The following RTF2 variants were observed in gnomAD, a reference collection of about 807,000 sequenced individuals.
The protein encoded by RTF2 is UPF0549 protein C20orf43.
A neutral mutation model predicts 38.0 loss-of-function variants in RTF2; 18 were observed. That is an observed-to-expected ratio of 0.47 (90% CI 0.33 to 0.70). The LOEUF (loss-of-function observed/expected upper bound fraction) is 0.70, where lower values mean the gene tolerates loss of function less well. Among genes scored for constraint, RTF2 ranks in the 30% least tolerant of loss-of-function variants. The pLI is 0.02. For synonymous variants in RTF2, 126 were observed against 137.1 expected (o/e 0.92, Z 0.57); for missense variants, 311 against 379.6 (o/e 0.82, Z 1.50).
At position 56,477,071 on chromosome 20, in the gene RTF2, G is replaced by C; in HGVS notation, c.345G>C (p.Gln115His). 1 of 1,614,130 alleles carries C rather than the reference G, an allele frequency of 6.2e-7. No individual in the cohort carries two copies. The highest frequency in any genetic ancestry group is 8.5e-7 in the Non-Finnish European group (1 of 1,179,992). ...AAGGTGACAAGCACGATGACCTCCA[G>C]CGGGCGCGTTTCATCTGCCCCGTTG... ...NTKGDKHDDLQRARFICPVVG... is the reference protein window; with the variant it reads ...NTKGDKHDDLHRARFICPVVG... The change falls in exon 4 of 9, where the codon CAG becomes CAC. Residue 115 changes from glutamine to histidine, a missense_variant. Gln to His is a conservative substitution (Grantham distance 24). Transcript: ENST00000357348.
intron 5 of RTF2, among the ~76,000 whole-genome samples, chr20:56,502,474 C>T (rs938996713): frequency 1.3e-5 from 2 of 152,062 alleles, no homozygotes; most frequent in African/African-American, 2.4e-5. Flanking sequence ...CAGAACAGTT[C>T]GTTGAAGGAT....
intron 5 of RTF2, among the ~76,000 whole-genome samples, chr20:56,508,598 T>C (rs867280660): frequency 4.6e-5 from 7 of 152,312 alleles, no homozygotes; most frequent in Admixed American, 1.3e-4. Context: ...TTTTGGTTGA[T>C]CCACTCAATA....
intron 4 of RTF2, among the ~76,000 whole-genome samples, chr20:56,479,249 G>A (rs568757429): frequency 6.6e-6 from 1 of 151,902 alleles, no homozygotes; most frequent in African/African-American, 2.4e-5. Context: ...TTTTTGAGAC[G>A]GAGTCCAGCT....
intron 5 of RTF2, among the ~76,000 whole-genome samples, chr20:56,492,055 C>G (rs992859601): frequency 6.6e-6 from 1 of 152,092 alleles, no homozygotes; most frequent in African/African-American, 2.4e-5. Context: ...TAACTCACCA[C>G]GCGCACACGA....
intron 5 of RTF2, chr20:56,497,723 T>C: frequency 1.4e-6 from 1 of 691,864 alleles, no homozygotes; most frequent in Non-Finnish European, 2.1e-6. Flanking sequence ...CCCAACTTTA[T>C]TGAAATACAC....
At chr20:56,481,518 T>C (rs191014689) in intron 4 of RTF2, among the ~76,000 whole-genome samples, 49 of 152,326 alleles carry the variant, frequency 3.2e-4, no homozygotes, top group Admixed American at 5.2e-4. Context: ...TAAACCACCA[T>C]TGGGGTCAAG....
intron 5 of RTF2, among the ~76,000 whole-genome samples, chr20:56,489,498 AGAGTGTAGCTGCCT>A (rs1258798559): frequency 6.6e-6 from 1 of 152,198 alleles, no homozygotes; most frequent in Non-Finnish European, 1.5e-5. Context: ...GTCACACTGC[AGAGTGTAGCTGCCT>A]GGTCCAAATC....
intron 5 of RTF2, among the ~76,000 whole-genome samples, chr20:56,498,376 C>T (rs952324720): frequency 3.3e-5 from 5 of 152,052 alleles, no homozygotes; most frequent in African/African-American, 9.7e-5. Flanking sequence ...TCAAGACTAG[C>T]CTGGGCAACA....
At chr20:56,508,951 G>C (rs185246610) in intron 5 of RTF2, among the ~76,000 whole-genome samples, 62 of 152,180 alleles carry the variant, frequency 4.1e-4, no homozygotes, top group African/African-American at 1.5e-3. Flanking sequence ...CACAATCTTG[G>C]GTTAGGCGAT....
chr20:56,500,030 G>T (rs972881776), intron 5 of RTF2, among the ~76,000 whole-genome samples: 7 of 151,510 alleles, frequency 4.6e-5, no homozygotes, highest in Non-Finnish European at 7.4e-5. Context: ...GAACCACTGC[G>T]CCCGGCCTAT....
chr20:56,475,698 T>G (rs2146317394), intron 3 of RTF2, among the ~76,000 whole-genome samples: 1 of 152,254 alleles, frequency 6.6e-6, no homozygotes, highest in Middle Eastern at 3.4e-3. Flanking sequence ...ATGTAAGATG[T>G]GCCTCTCTCA....
At chr20:56,489,555 G>A (rs959415476) in intron 5 of RTF2, among the ~76,000 whole-genome samples, 3 of 152,130 alleles carry the variant, frequency 2.0e-5, no homozygotes, top group African/African-American at 7.2e-5. Context: ...GTGGTCCCAG[G>A]AACATCCCAT....
intron 5 of RTF2, among the ~76,000 whole-genome samples, chr20:56,511,570 G>A (rs545844332): frequency 1.3e-5 from 2 of 152,164 alleles, no homozygotes; most frequent in East Asian, 1.9e-4. Context: ...ACATTTAGGT[G>A]TTTATAACCC....
At chr20:56,500,278 T>C (rs1983845005) in intron 5 of RTF2, among the ~76,000 whole-genome samples, 1 of 152,326 alleles carries the variant, frequency 6.6e-6, no homozygotes, top group East Asian at 1.9e-4. Context: ...GGTCTCGAAC[T>C]CCTGACCTCA....
At chr20:56,488,313 A>G (rs1982900981) in intron 5 of RTF2, among the ~76,000 whole-genome samples, 1 of 152,096 alleles carries the variant, frequency 6.6e-6, no homozygotes, top group African/African-American at 2.4e-5. Context: ...GTGAGCCAAG[A>G]TCACGCCACT....
chr20:56,494,585 C>T (rs958763342), intron 5 of RTF2, among the ~76,000 whole-genome samples: 1 of 152,086 alleles, frequency 6.6e-6, no homozygotes, highest in Non-Finnish European at 1.5e-5. Flanking sequence ...TGAATGGATC[C>T]CTAATTGAAT....
chr20:56,505,487 CATAATAATAATA>C (rs60767194), intron 5 of RTF2, among the ~76,000 whole-genome samples: 4 of 139,648 alleles, frequency 2.9e-5, no homozygotes, highest in African/African-American at 8.0e-5. Context: ...GATGCCATCT[CATAATAATAATA>C]ATAATAATAA....
At chr20:56,509,555 G>A (rs993510596) in intron 5 of RTF2, among the ~76,000 whole-genome samples, 1 of 151,198 alleles carries the variant, frequency 6.6e-6, no homozygotes, top group Non-Finnish European at 1.5e-5. Context: ...GGAGGTTGCA[G>A]TGAGCCGAGA....
intron 5 of RTF2, 63 bp downstream of exon 5, chr20:56,484,252 G>A: frequency 7.7e-7 from 1 of 1,301,444 alleles, no homozygotes; most frequent in Non-Finnish European, 1.1e-6. Flanking sequence ...ATGGTTTAGG[G>A]TCCTTTCCCT....
Sources: gnomAD v4.1 joint callset for allele counts (sites outside exome capture counted in the v4.1 genomes callset) on GRCh38, gnomAD v4.1.1 for gene constraint, MANE v1.5 for transcripts, NCBI Gene and HGNC (gene_info 2026-07-23, HGNC 2026-07-21) for gene names.